The following TSPAN9 variants were observed in gnomAD, a reference collection of about 807,000 sequenced individuals.
TSPAN9 encodes tetraspanin-9.
A neutral mutation model predicts 31.0 loss-of-function variants in TSPAN9; 16 were observed. The ratio of observed to expected loss-of-function variants is 0.52; its 90% CI spans 0.35 to 0.78. The LOEUF is 0.78. TSPAN9 is among the 30% of genes least tolerant of loss of function. The pLI is 0.01. For missense variants in TSPAN9, 272 were observed against 312.5 expected (o/e 0.87, Z 0.98); for synonymous variants, 145 against 121.6 (o/e 1.19, Z -1.27).
intron 2 of TSPAN9, among the ~76,000 whole-genome samples, chr12:3,178,600 G>A (rs561802194): frequency 3.9e-5 from 6 of 152,298 alleles, no homozygotes; most frequent in African/African-American, 1.4e-4. Context: ...CAGATGAAGG[G>A]GTTTCTGATG....
intron 3 of TSPAN9, among the ~76,000 whole-genome samples, chr12:3,237,249 G>A (rs57511254): frequency 3.3e-5 from 5 of 151,982 alleles, no homozygotes; most frequent in Admixed American, 6.5e-5. Flanking sequence ...CTGTGTCAGC[G>A]GCTCTATAGG....
At position 3,266,061 on chromosome 12, in the gene TSPAN9, T is replaced by A. The variant is rs1020072978; in HGVS notation, c.64-12360T>A. Among the ~76,000 whole-genome samples the A allele has an allele frequency of 2.8e-5, 4 of 142,992 alleles. No homozygotes were observed. In the East Asian group the frequency reaches 5.8e-4, roughly 21 times the overall value. 93.8% of individuals were successfully genotyped at this position (142,992 alleles called of 152,430 possible). A position where few individuals can be genotyped will look rare whatever the true frequency, so the allele number is the denominator to read the frequency against. ...CACTAGTGTCTTCACCAACACTACT[T>A]CTTCATCCCGTCCTCCTCGGCTACA... On this transcript the variant is annotated intron_variant, in intron 3 of 8. Transcript: ENST00000011898.
In TSPAN9 at chr12:3,258,011, C is replaced by T. The variant is rs201698780; in HGVS notation, c.64-20410C>T. Among the ~76,000 whole-genome samples the T allele has an allele frequency of 2.0e-4, 30 of 152,282 alleles. No homozygotes were observed. In the East Asian group the frequency reaches 5.8e-3, roughly 29 times the overall value. ...CCTGTATTGTGGAGTAAGATGTTCA[C>T]AATGGGGCTCCCTGGGAGATAAACC... On this transcript the variant is annotated intron_variant, in intron 3 of 8. Transcript: ENST00000011898.
At chr12:3,268,955 G>T (rs1862608542) in intron 3 of TSPAN9, among the ~76,000 whole-genome samples, 1 of 103,280 alleles carries the variant, frequency 9.7e-6, no homozygotes, top group Admixed American at 1.0e-4. Flanking sequence ...TGTTCCTGCA[G>T]CCTGCCCTCT....
chr12:3,093,641 G>A (rs1336458379), intron 2 of TSPAN9, among the ~76,000 whole-genome samples: 1 of 152,130 alleles, frequency 6.6e-6, no homozygotes, highest in Non-Finnish European at 1.5e-5. Context: ...ATTTGTTGAT[G>A]GGAGATAGGA....
intron 3 of TSPAN9, among the ~76,000 whole-genome samples, chr12:3,237,880 G>A (rs1449652493): frequency 1.3e-5 from 2 of 152,324 alleles, no homozygotes; most frequent in East Asian, 3.9e-4. Context: ...TTTCCCTGGT[G>A]TGAATTTTGC....
At chr12:3,121,605 T>G (rs1261821895) in intron 2 of TSPAN9, among the ~76,000 whole-genome samples, 2 of 137,834 alleles carry the variant, frequency 1.5e-5, no homozygotes, top group Non-Finnish European at 3.1e-5. Context: ...CTCAAACTCC[T>G]GAGCTCAAGT....
intron 2 of TSPAN9, among the ~76,000 whole-genome samples, chr12:3,153,292 T>C (rs1280913239): frequency 6.6e-6 from 1 of 152,210 alleles, no homozygotes; most frequent in African/African-American, 2.4e-5. Context: ...TGCCGTATAA[T>C]AGGAACACAA....
At chr12:3,206,277 C>T (rs1193089767) in intron 3 of TSPAN9, 1 of 455,878 alleles carries the variant, frequency 2.2e-6, no homozygotes, top group Middle Eastern at 3.3e-4. Context: ...ACTCTGTGCA[C>T]AGGATCCTCC....
chr12:3,174,519 GCTT>G (rs1345600481), intron 2 of TSPAN9, among the ~76,000 whole-genome samples: 1 of 152,204 alleles, frequency 6.6e-6, no homozygotes, highest in African/African-American at 2.4e-5. Flanking sequence ...GGGGCCAGGG[GCTT>G]CTTCTTGTAA....
chr12:3,097,996 T>C (rs1323512903), intron 2 of TSPAN9, among the ~76,000 whole-genome samples: 2 of 152,210 alleles, frequency 1.3e-5, no homozygotes, highest in African/African-American at 4.8e-5. Context: ...GAGGAGCTAG[T>C]GTGGACGTGT....
intron 2 of TSPAN9, among the ~76,000 whole-genome samples, chr12:3,106,817 G>C (rs986755488): frequency 6.6e-6 from 1 of 152,128 alleles, no homozygotes; most frequent in Non-Finnish European, 1.5e-5. Context: ...CCCCTCCCTA[G>C]GCTTCCTGGC....
intron 3 of TSPAN9, among the ~76,000 whole-genome samples, chr12:3,209,816 G>A (rs1428014033): frequency 2.0e-5 from 3 of 151,916 alleles, no homozygotes; most frequent in East Asian, 1.9e-4. Flanking sequence ...AAAATTAGCC[G>A]GGCGCGGTGG....
At position 3,192,321 on chromosome 12, in the gene TSPAN9, G is replaced by T. The variant is rs1393901198; in HGVS notation, c.-17-8856G>T. 6.6e-6 allele frequency among the ~76,000 whole-genome samples: 1 copy of T among 152,202 alleles called. No individual in the cohort carries two copies. Among genetic ancestry groups the T allele is most frequent in the Admixed American group, 6.5e-5 (1 of 15,288 alleles). On this transcript the variant is annotated intron_variant, in intron 2 of 8. Transcript: ENST00000011898. This position sits in a 1 kb window ranked among gnomAD's most constrained non-coding sequence, Gnocchi z 4.6. Reference sequence around the variant, plus strand: ...TGCATTGGCTGCTCTTGGTGAATGGGTGGGCGCAGGAGGGAATGGAAGGCT... The same window carrying T: ...TGCATTGGCTGCTCTTGGTGAATGGTTGGGCGCAGGAGGGAATGGAAGGCT...
intron 2 of TSPAN9, among the ~76,000 whole-genome samples, chr12:3,133,676 T>G (rs2098330815): frequency 6.6e-6 from 1 of 152,112 alleles, no homozygotes; most frequent in Admixed American, 6.5e-5. Flanking sequence ...AGCAGGTGGT[T>G]TTTTTCTCCC....
rs547147916 is a variant in TSPAN9 at position 3,218,920 on chromosome 12, G to A, written c.63+17664G>A. ...GAATATAGCTGGAGCCCCCCAAAGAGAGGTCAGAGGTCGCAGAAAACCATG... is the reference window on the plus strand; with the variant it reads ...GAATATAGCTGGAGCCCCCCAAAGAAAGGTCAGAGGTCGCAGAAAACCATG... On this transcript the variant is annotated intron_variant, in intron 3 of 8. Transcript: ENST00000011898. Among the ~76,000 whole-genome samples, 98 of 152,188 alleles carry A rather than the reference G, an allele frequency of 6.4e-4. 1 individual carries two copies. The highest frequency in any genetic ancestry group is 1.3e-3 in the Non-Finnish European group (89 of 68,038).
intron 3 of TSPAN9, among the ~76,000 whole-genome samples, chr12:3,229,893 G>A (rs2098389793): frequency 6.6e-6 from 1 of 152,226 alleles, no homozygotes; most frequent in Admixed American, 6.5e-5. Flanking sequence ...GGACCCTGCT[G>A]CTGTGTGGGA....
intron 2 of TSPAN9, among the ~76,000 whole-genome samples, chr12:3,111,073 T>C (rs949755509): frequency 2.6e-5 from 4 of 152,338 alleles, no homozygotes; most frequent in African/African-American, 7.2e-5. Flanking sequence ...GAAGGTTTCA[T>C]CCAGGTGCGA....
In TSPAN9 at chr12:3,281,849, C is replaced by G. The variant is rs373095442; in HGVS notation, c.648+32C>G. On this transcript the variant is annotated intron_variant, in intron 8 of 8. Coordinates refer to ENST00000011898, the MANE Select transcript of TSPAN9 (RefSeq NM_006675.5). ...GGGGCGTCCCCAGCAGCCTCACCCACCCTGCTGGCCTCAGCCTCAGAGGGA... is the reference window on the plus strand; with the variant it reads ...GGGGCGTCCCCAGCAGCCTCACCCAGCCTGCTGGCCTCAGCCTCAGAGGGA... 2.5e-6 allele frequency: 4 copies of G among 1,607,184 alleles called. No individual in the cohort carries two copies. In the African/African-American group the frequency reaches 5.3e-5, roughly 21 times the overall value.
Sources: gnomAD v4.1 joint callset for allele counts (sites outside exome capture counted in the v4.1 genomes callset) on GRCh38, gnomAD v4.1.1 for gene constraint, Gnocchi (gnomAD v3.1) non-coding constraint, MANE v1.5 for transcripts, NCBI Gene and HGNC (gene_info 2026-07-23, HGNC 2026-07-21) for gene names.